Variants in ITIH6 observed in about 807,000 individuals in gnomAD.
ITIH6 encodes inter-alpha-trypsin inhibitor heavy chain H6.
A neutral mutation model predicts 58.2 loss-of-function variants in ITIH6; 60 were observed. That is an observed-to-expected ratio of 1.03 (90% CI 0.84 to 1.28). The LOEUF is 1.28. Ranked by LOEUF, ITIH6 falls within the 50% of genes most tolerant of loss-of-function variation. The pLI is 0.00. For synonymous variants in ITIH6, 493 were observed against 417.4 expected, an observed-to-expected ratio of 1.18 and a Z score of -2.21; for missense variants, 1,290 against 1,021.1, an observed-to-expected ratio of 1.26 and a Z score of -3.59.
chrX:54,753,895 C>T (rs369567675), intron 10 of ITIH6, 35 bp downstream of exon 10: 63 of 1,192,566 alleles, frequency 5.3e-5, no homozygotes, highest in Non-Finnish European at 6.7e-5. Context: ...CTGCCCTGTA[C>T]TCAAACAGGG....
At chrX:54,762,145 G>GTCC (rs1301484478) in intron 6 of ITIH6, among the ~76,000 whole-genome samples, 1 of 111,551 alleles carries the variant, frequency 9.0e-6, no homozygotes, top group African/African-American at 3.3e-5. Context: ...CCTTGAAGAA[G>GTCC]TCCTTCACAT....
At position 54,749,803 on chromosome X, in the gene ITIH6, C is replaced by T. The variant is rs1008653134; in HGVS notation, c.*92G>A. On this transcript the variant is annotated 3_prime_UTR_variant, in exon 13 of 13. Coordinates refer to ENST00000218436, the MANE Select transcript of ITIH6 (RefSeq NM_198510.3). ...GTCTGTGTGTCCCTGTGTGTGCTTC[C>T]ATGTCCTTGGGTCTCTGTCCCTGGC... 1.4e-6 allele frequency: 1 copy of T among 693,588 alleles called. No individual in the cohort carries two copies. Among genetic ancestry groups the T allele is most frequent in the South Asian group, 2.8e-5 (1 of 36,144 alleles). The allele number at this position is 693,588 out of a possible 1,213,427, so 57.2% of individuals were successfully genotyped here. A position where few individuals can be genotyped will look rare whatever the true frequency, so the allele number is the denominator to read the frequency against.
chrX:54,768,039 G>T (rs1241219277), intron 6 of ITIH6, among the ~76,000 whole-genome samples: 1 of 100,910 alleles, frequency 9.9e-6, no homozygotes, highest in Non-Finnish European at 1.9e-5. Context: ...TCTCTTTGTA[G>T]GTCACTCAGG....
intron 6 of ITIH6, among the ~76,000 whole-genome samples, chrX:54,767,988 G>T (rs1283037787): frequency 1.0e-5 from 1 of 100,030 alleles, no homozygotes; most frequent in Non-Finnish European, 1.9e-5. Context: ...GTTGACAGTG[G>T]GGTGTTAAAA....
In ITIH6 at chrX:54,788,503, C is replaced by T. The variant is rs368927944; in HGVS notation, c.763G>A (p.Glu255Lys). The T allele has an allele frequency of 1.7e-6, 2 of 1,208,982 alleles. No individual in the cohort carries two copies. The highest frequency in any genetic ancestry group is 3.5e-5 in the African/African-American group (2 of 56,986). ...ACCTGCACGTCTCCAATGATGTCCT[C>T]CATGACCACATCGTACTGAACCAGG... is the stretch of plus-strand genomic sequence containing the variant. Reference protein sequence around the residue: ...DFLVQYDVVMEDIIGDVQIYD... With the variant: ...DFLVQYDVVMKDIIGDVQIYD... The change falls in exon 5 of 13, where the codon GAG becomes AAG. Residue 255 changes from glutamate to lysine, a missense_variant. Transcript: ENST00000218436.
rs1009723921 is a variant in ITIH6, at chrX:54,758,382, C to A, written c.1692G>T (p.Trp564Cys). The part of the protein sequence containing the change: ...PNVAHFIRRL[W>C]AYVTIGELLD... ...GCAGTTCTCCAATGGTGACATAGGC[C>A]CAGAGGCGGCGGATGAAGTGGGCCA... Residue 564 changes from tryptophan (W) to cysteine (C), a missense_variant, in exon 8 of 13, where the codon TGG (tryptophan) becomes TGT (cysteine). Coordinates refer to ENST00000218436, the MANE Select transcript of ITIH6 (RefSeq NM_198510.3). 3.3e-5 allele frequency: 40 copies of A among 1,209,821 alleles called. No individual in the cohort carries two copies. Among genetic ancestry groups the A allele is most frequent in the Non-Finnish European group, 4.5e-5 (40 of 895,002 alleles).
At chrX:54,771,467 T>G (rs775627877) in intron 6 of ITIH6, among the ~76,000 whole-genome samples, 1 of 112,270 alleles carries the variant, frequency 8.9e-6, no homozygotes, top group South Asian at 3.7e-4. Flanking sequence ...ATGTCCAGTC[T>G]ACTGATGAGT....
chrX:54,759,705 T>G, intron 7 of ITIH6, 51 bp downstream of exon 7: 1 of 1,058,034 alleles, frequency 9.5e-7, no homozygotes. Flanking sequence ...TTTCAGGAAT[T>G]TCCCATATCA....
At position 54,753,917 on chromosome X, in the gene ITIH6, G is replaced by C; in HGVS notation, c.3238+13C>G. 2 of 1,207,082 alleles carry C rather than the reference G, an allele frequency of 1.7e-6. No individual in the cohort carries two copies. The stretch of plus-strand genomic sequence containing the variant: ...GTACTCAAACAGGGGAGCCATGGGG[G>C]TGACTGGCTTACCTGAGGAGGAGAA... On this transcript the variant is annotated intron_variant, in intron 10 of 12. Coordinates refer to ENST00000218436, the MANE Select transcript of ITIH6 (RefSeq NM_198510.3).
At chrX:54,788,416 C>T (rs1929281224) in intron 5 of ITIH6, 64 bp downstream of exon 5, 2 of 1,008,036 alleles carry the variant, frequency 2.0e-6, no homozygotes, top group South Asian at 2.1e-5. Flanking sequence ...GCTGGAGAGG[C>T]CTAATGCTCA....
At chrX:54,796,017 A>G (rs929206828) in intron 2 of ITIH6, among the ~76,000 whole-genome samples, 2 of 111,364 alleles carry the variant, frequency 1.8e-5, no homozygotes, top group African/African-American at 6.6e-5. Flanking sequence ...GGCATGCACC[A>G]CCACACCCTG....
intron 11 of ITIH6, among the ~76,000 whole-genome samples, chrX:54,753,343 G>A (rs1175194117): frequency 1.8e-5 from 2 of 112,728 alleles, no homozygotes; most frequent in East Asian, 5.5e-4. Context: ...TGGAGCTTAT[G>A]TTGAGAAACA....
At position 54,757,687 on chromosome X, in the gene ITIH6, G is replaced by T. The variant is rs1272153484; in HGVS notation, c.2387C>A (p.Ala796Glu). ...GCCTTTAGGTGCCTGTGATGTGAGT[G>T]CCCCAAGTTGGGGGTGCGATGGAGC... ...PGAPSHPQLG[A>E]LTSQAPKGLP... The change falls in exon 8 of 13, where the codon GCA becomes GAA. Residue 796 changes from alanine (A) to glutamate (E), a missense_variant. Coordinates refer to ENST00000218436, the MANE Select transcript of ITIH6 (RefSeq NM_198510.3). 1.7e-6 allele frequency: 2 copies of T among 1,208,510 alleles called. No individual in the cohort carries two copies. Among genetic ancestry groups the T allele is most frequent in the Non-Finnish European group, 2.2e-6 (2 of 894,577 alleles).
rs1007977767 is a variant in ITIH6, at chrX:54,753,985, T to C, written c.3203-20A>G. On this transcript the variant is annotated intron_variant, in intron 9 of 12. Transcript: ENST00000218436. The stretch of plus-strand genomic sequence containing the variant: ...ATGTGCCTGCAAAGGAGAGAGAGAC[T>C]GTGTTGGGAAGGGACTAATGTATCA... The C allele has an allele frequency of 3.3e-6, 4 of 1,201,682 alleles. No homozygotes were observed. In the African/African-American group the frequency reaches 7.0e-5, roughly 21 times the overall value.
At chrX:54,791,551 T>G (rs1201731587) in intron 3 of ITIH6, among the ~76,000 whole-genome samples, 1 of 110,780 alleles carries the variant, frequency 9.0e-6, no homozygotes, top group Non-Finnish European at 1.9e-5. Flanking sequence ...CATGAAACTC[T>G]CTTGGAAGCT....
intron 6 of ITIH6, among the ~76,000 whole-genome samples, chrX:54,761,652 A>C (rs1297394039): frequency 9.0e-6 from 1 of 111,274 alleles, no homozygotes; most frequent in Non-Finnish European, 1.9e-5. Flanking sequence ...AGCTTTCTAC[A>C]TATGGCTAGC....
chrX:54,755,221 C>T, intron 8 of ITIH6, 112 bp from the exon 9 acceptor site: 1 of 578,068 alleles, frequency 1.7e-6, no homozygotes, highest in South Asian at 2.8e-5. Flanking sequence ...TGCCCATCTC[C>T]AGGACTGGGA....
chrX:54,761,806 T>C (rs1346562090), intron 6 of ITIH6, among the ~76,000 whole-genome samples: 1 of 112,011 alleles, frequency 8.9e-6, no homozygotes, highest in Non-Finnish European at 1.9e-5. Flanking sequence ...TGTCTCTGTT[T>C]TGGTACCAGT....
chrX:54,796,659 G>A (rs1300219989), intron 2 of ITIH6, among the ~76,000 whole-genome samples: 1 of 105,715 alleles, frequency 9.5e-6, no homozygotes, highest in Non-Finnish European at 1.9e-5. Context: ...ACTCCAGCCT[G>A]GGCAACAGAG....
Sources: allele counts gnomAD v4.1 joint callset (sites outside exome capture counted in the v4.1 genomes callset), GRCh38; gene constraint gnomAD v4.1.1; transcripts MANE v1.5; gene names NCBI Gene and HGNC (gene_info 2026-07-23, HGNC 2026-07-21).